Variants in USP39 observed in about 807,000 individuals in gnomAD.
USP39 encodes the protein ubiquitin specific peptidase 39, also known as ubiquitin carboxyl-terminal hydrolase 39.
Under a neutral mutation model 66.4 loss-of-function variants are expected in USP39, and 38 were observed. The observed-to-expected ratio is 0.57, with a 90% CI of 0.44 to 0.75. USP39 has a LOEUF of 0.75. USP39 is among the 30% of genes least tolerant of loss of function. USP39 has a pLI of 0.00. For synonymous variants in USP39, 303 were observed against 274.6 expected, an observed-to-expected ratio of 1.10 and a Z score of -1.02; for missense variants, 608 against 714.4, an observed-to-expected ratio of 0.85 and a Z score of 1.70.
chr2:85,640,932 C>G (rs1200310651), intron 9 of USP39, 44 bp from the exon 10 acceptor site: 1 of 1,564,280 alleles, frequency 6.4e-7, no homozygotes, highest in Non-Finnish European at 8.6e-7. Context: ...TCTAATACTA[C>G]TGAACTTCAG....
chr2:85,616,066 G>T (rs1673899634), upstream of USP39: 5 of 1,294,842 alleles, frequency 3.9e-6, no homozygotes, highest in Non-Finnish European at 4.9e-6. Flanking sequence ...ATTTTCTGCA[G>T]CGTGATTTGT....
chr2:85,607,243 T>A (rs1673247892), upstream of USP39: 1 of 152,204 alleles, frequency 6.6e-6, no homozygotes. Flanking sequence ...CAGATCAGTT[T>A]AAGGACTAGA....
chr2:85,640,883 A>G (rs1404872906), intron 9 of USP39, 93 bp from the exon 10 acceptor site: 7 of 1,221,676 alleles, frequency 5.7e-6, no homozygotes, highest in African/African-American at 1.5e-5. Context: ...AGGCAAAATT[A>G]TATTTTAAAA....
intron 11 of USP39, chr2:85,645,326 G>T: frequency 2.6e-6 from 1 of 386,794 alleles, no homozygotes; most frequent in Non-Finnish European, 4.6e-6. Context: ...GCCCAGGCTG[G>T]AGTGCAGTGG....
chr2:85,630,032 T>C (rs1675202664), intron 5 of USP39, among the ~76,000 whole-genome samples: 1 of 152,078 alleles, frequency 6.6e-6, no homozygotes, highest in South Asian at 2.1e-4. Flanking sequence ...ATAAGTTCTT[T>C]AGTGGTGATT....
upstream of USP39, chr2:85,611,819 CG>C: frequency 2.5e-6 from 4 of 1,607,656 alleles, no homozygotes; most frequent in Non-Finnish European, 2.5e-6. Context: ...CAGGGACTGT[CG>C]GGCCGGGCCA....
At chr2:85,625,104 A>C (rs1038924152) in intron 4 of USP39, among the ~76,000 whole-genome samples, 1 of 152,114 alleles carries the variant, frequency 6.6e-6, no homozygotes, top group Non-Finnish European at 1.5e-5. Flanking sequence ...GAAGAGTCTG[A>C]TCCTGCTCTT....
chr2:85,607,967 C>T (rs1478033162), upstream of USP39: 1 of 152,214 alleles, frequency 6.6e-6, no homozygotes, highest in African/African-American at 2.4e-5. Context: ...TCATTTCATT[C>T]CCTCTGGCGT....
At chr2:85,638,206 G>C (rs1335312995) in intron 8 of USP39, among the ~76,000 whole-genome samples, 1 of 151,118 alleles carries the variant, frequency 6.6e-6, no homozygotes, top group Non-Finnish European at 1.5e-5. Context: ...ATTTTTAGTA[G>C]AGAAGAGGTT....
intron 6 of USP39, 70 bp from the exon 7 acceptor site, chr2:85,635,983 C>A: frequency 6.9e-7 from 1 of 1,458,060 alleles, no homozygotes; most frequent in Non-Finnish European, 9.6e-7. Flanking sequence ...GGAATGCCAA[C>A]CAGTGCATGG....
chr2:85,637,643 G>T (rs891769979), intron 8 of USP39, among the ~76,000 whole-genome samples: 7 of 152,166 alleles, frequency 4.6e-5, no homozygotes, highest in Admixed American at 3.9e-4. Context: ...TACTGTGCTG[G>T]TTTAAGTGTT....
chr2:85,638,826 C>T (rs1417393959), intron 8 of USP39, among the ~76,000 whole-genome samples: 4 of 149,694 alleles, frequency 2.7e-5, no homozygotes, highest in African/African-American at 7.5e-5. Context: ...TGTGAGCCAT[C>T]ATGCCCGGCC....
At chr2:85,630,024 A>T (rs1024446038) in intron 5 of USP39, among the ~76,000 whole-genome samples, 2 of 151,992 alleles carry the variant, frequency 1.3e-5, no homozygotes, top group Non-Finnish European at 2.9e-5. Flanking sequence ...TTACATGAAT[A>T]AGTTCTTTAG....
At chr2:85,622,654 A>G (rs989039854) in intron 3 of USP39, among the ~76,000 whole-genome samples, 11 of 151,184 alleles carry the variant, frequency 7.3e-5, no homozygotes, top group African/African-American at 2.2e-4. Context: ...TTTAGCTCAA[A>G]GGACTTTTTT....
chr2:85,637,396 C>G lies in USP39; in HGVS notation c.1055C>G (p.Ser352Cys), dbSNP rs1358774403. The change falls in exon 8 of 13, where the codon TCC becomes TGC. Residue 352 changes from serine (S) to cysteine (C), a missense_variant. By Grantham distance (112) the Ser-to-Cys change is moderately radical (BLOSUM62 -1). This residue lies in a region of USP39 where 72 missense variants were observed against 60.1 expected (regional missense o/e 1.20). Transcript: ENST00000323701. The part of the protein sequence containing the change: ...KTIVTDVFQG[S>C]MRIFTKKLPH... ...ATTGTGACTGATGTTTTCCAGGGGT[C>G]CATGAGGATCTTCACTAAAAAGCTT... 5.0e-6 allele frequency: 8 copies of G among 1,614,118 alleles called. No individual in the cohort carries two copies. The highest frequency in any genetic ancestry group is 6.8e-6 in the Non-Finnish European group (8 of 1,180,028).
chr2:85,642,487 C>T (rs1676305872), intron 10 of USP39, among the ~76,000 whole-genome samples: 1 of 152,206 alleles, frequency 6.6e-6, no homozygotes, highest in South Asian at 2.1e-4. Context: ...GTACTTCCTG[C>T]TCAGTTGCCA....
chr2:85,609,773 C>T (rs890465337), upstream of USP39, among the ~76,000 whole-genome samples: 1 of 152,156 alleles, frequency 6.6e-6, no homozygotes, highest in African/African-American at 2.4e-5. Flanking sequence ...CTTCCGCTCC[C>T]AGGTTCAAGC....
chr2:85,647,169 G>A (rs990953254), intron 11 of USP39, among the ~76,000 whole-genome samples: 4 of 152,066 alleles, frequency 2.6e-5, no homozygotes, highest in Admixed American at 6.6e-5. Context: ...GATTACAGGC[G>A]TAAGCCCCTG....
chr2:85,637,423 C>T lies in USP39; in HGVS notation c.1082C>T (p.Pro361Leu), dbSNP rs1244697357. The T allele has an allele frequency of 1.2e-6, 2 of 1,614,006 alleles. No individual in the cohort carries two copies. Among genetic ancestry groups the T allele is most frequent in the Admixed American group, 1.7e-5 (1 of 59,984 alleles). ...GSMRIFTKKL[P>L]HPDLPAEEKE... ...ATGAGGATCTTCACTAAAAAGCTTCCCCATCCTGATCTGGTGAGTTAATTG... is the reference window on the plus strand; with the variant it reads ...ATGAGGATCTTCACTAAAAAGCTTCTCCATCCTGATCTGGTGAGTTAATTG... Residue 361 changes from proline (P) to leucine (L), a missense_variant, in exon 8 of 13, where the codon CCC (proline) becomes CTC (leucine). Physicochemically the swap from Pro to Leu is moderately conservative, Grantham distance 98. Around this residue, in one of 6 missense-constraint regions of USP39, gnomAD observed 164 missense variants for 250.3 expected, o/e 0.66. Coordinates refer to ENST00000323701, the MANE Select transcript of USP39 (RefSeq NM_006590.4).
Sources: gnomAD v4.1 joint callset for allele counts (sites outside exome capture counted in the v4.1 genomes callset) on GRCh38, gnomAD v4.1.1 for gene constraint, gnomAD v4.1.1 regional missense constraint, MANE v1.5 for transcripts, NCBI Gene and HGNC (gene_info 2026-07-23, HGNC 2026-07-21) for gene names.